Variants in COL19A1 observed in about 807,000 individuals in gnomAD.
COL19A1 encodes the protein collagen alpha-1(XIX) chain.
A neutral mutation model predicts 190.2 loss-of-function variants in COL19A1; 159 were observed. The ratio of observed to expected loss-of-function variants is 0.84; its 90% CI spans 0.73 to 0.95. COL19A1 has a LOEUF of 0.95. Among genes scored for constraint, COL19A1 ranks in the 40% least tolerant of loss-of-function variants. The pLI, the probability that COL19A1 is intolerant of heterozygous loss-of-function variation, is 0.00. For missense variants in COL19A1, 1,418 were observed against 1,431.9 expected, an observed-to-expected ratio of 0.99 and a Z score of 0.16; for synonymous variants, 509 against 458.9, an observed-to-expected ratio of 1.11 and a Z score of -1.39.
chr6:69,996,284 A>G (rs1014603336), intron 11 of COL19A1, among the ~76,000 whole-genome samples: 2 of 152,190 alleles, frequency 1.3e-5, no homozygotes, highest in African/African-American at 4.8e-5. Flanking sequence ...CAGACATGTG[A>G]TTAGAATCGG....
At chr6:70,068,520 G>T (rs547685057) in intron 15 of COL19A1, 44 bp downstream of exon 15, 28 of 1,291,618 alleles carry the variant, frequency 2.2e-5, no homozygotes, top group Non-Finnish European at 2.9e-5. Flanking sequence ...TAACTTAGGG[G>T]ATACTTATTT....
At chr6:69,963,106 C>A (rs938878590) in intron 11 of COL19A1, among the ~76,000 whole-genome samples, 3 of 152,176 alleles carry the variant, frequency 2.0e-5, no homozygotes, top group Non-Finnish European at 2.9e-5. Context: ...AAATTTGTTT[C>A]ATTGACATGG....
chr6:70,028,164 C>T (rs886794320), intron 12 of COL19A1, among the ~76,000 whole-genome samples: 5 of 152,056 alleles, frequency 3.3e-5, no homozygotes, highest in African/African-American at 9.7e-5. Context: ...AATATATTAA[C>T]GTGCATACAG....
intron 6 of COL19A1, among the ~76,000 whole-genome samples, chr6:69,931,836 A>G (rs1003290131): frequency 6.6e-6 from 1 of 152,080 alleles, no homozygotes; most frequent in Non-Finnish European, 1.5e-5. Context: ...GGCGAAAAGT[A>G]AAAGTTATAG....
intron 23 of COL19A1, among the ~76,000 whole-genome samples, chr6:70,143,685 C>T (rs183255848): frequency 2.6e-5 from 4 of 151,850 alleles, no homozygotes; most frequent in Admixed American, 2.0e-4. Flanking sequence ...AGCTTTTGAT[C>T]ACTCCCCTAT....
intron 48 of COL19A1, among the ~76,000 whole-genome samples, chr6:70,195,136 G>GATATAT (rs202055762): frequency 0.053 from 7,169 of 135,758 alleles, 210 homozygotes; most frequent in Non-Finnish European, 0.074. Flanking sequence ...CATCATTGAT[G>GATATAT]ATATATATAT....
At chr6:70,104,619 G>T (rs1259261386) in intron 16 of COL19A1, among the ~76,000 whole-genome samples, 2 of 152,138 alleles carry the variant, frequency 1.3e-5, no homozygotes, top group Non-Finnish European at 2.9e-5. Flanking sequence ...TCTTTTAAAG[G>T]CATCAGTTTT....
intron 17 of COL19A1, among the ~76,000 whole-genome samples, chr6:70,127,973 G>A (rs1026077322): frequency 1.3e-5 from 2 of 152,148 alleles, no homozygotes; most frequent in African/African-American, 4.8e-5. Flanking sequence ...TTGTAGAATG[G>A]AATTCCTGCT....
At chr6:69,935,641 A>G (rs1773051560) in intron 7 of COL19A1, among the ~76,000 whole-genome samples, 1 of 152,000 alleles carries the variant, frequency 6.6e-6, no homozygotes, top group South Asian at 2.1e-4. Context: ...TAGTTGCTGT[A>G]TTTCTGGGTG....
chr6:69,932,423 A>AT (rs112334126), intron 6 of COL19A1, among the ~76,000 whole-genome samples: 27,034 of 149,692 alleles, frequency 0.18, 3,030 homozygotes, highest in African/African-American at 0.32. Context: ...CTTTTCTCCA[A>AT]TTTTTTTTTT....
chr6:69,932,576 A>G (rs1237232069), intron 6 of COL19A1, among the ~76,000 whole-genome samples: 1 of 152,032 alleles, frequency 6.6e-6, no homozygotes, highest in East Asian at 1.9e-4. Context: ...TCCTTTATCT[A>G]TAGATCCATC....
intron 40 of COL19A1, among the ~76,000 whole-genome samples, chr6:70,169,529 C>T (rs1022631496): frequency 1.7e-4 from 26 of 152,046 alleles, no homozygotes; most frequent in African/African-American, 5.8e-4. Context: ...AGGGACAAGT[C>T]ATAACAAGTA....
chr6:70,017,018 A>G (rs889949957), intron 11 of COL19A1, among the ~76,000 whole-genome samples: 5 of 152,200 alleles, frequency 3.3e-5, no homozygotes, highest in African/African-American at 1.2e-4. Context: ...TTTACCTAAG[A>G]AAAGTAAAAA....
intron 14 of COL19A1, among the ~76,000 whole-genome samples, chr6:70,053,130 A>G (rs752582692): frequency 4.6e-5 from 7 of 152,210 alleles, no homozygotes; most frequent in Non-Finnish European, 1.0e-4. Context: ...CTGTGCAAAC[A>G]TGGAAGTCTT....
At chr6:70,068,725 A>T (rs1781391261) in intron 15 of COL19A1, among the ~76,000 whole-genome samples, 1 of 152,070 alleles carries the variant, frequency 6.6e-6, no homozygotes, top group Non-Finnish European at 1.5e-5. Context: ...CCCTAATTTG[A>T]TCTACACTAC....
intron 2 of COL19A1, among the ~76,000 whole-genome samples, chr6:69,886,088 A>T (rs1485362216): frequency 6.6e-6 from 1 of 152,192 alleles, no homozygotes; most frequent in Non-Finnish European, 1.5e-5. Context: ...TACTTATCTC[A>T]TGGTTAATAT....
chr6:70,024,496 T>C (rs1778615858), intron 12 of COL19A1, among the ~76,000 whole-genome samples: 1 of 152,024 alleles, frequency 6.6e-6, no homozygotes, highest in Admixed American at 6.6e-5. Flanking sequence ...ATGCCCTAGA[T>C]GTGTTCAGAA....
At chr6:69,891,822 CA>C (rs1447304327) in intron 2 of COL19A1, among the ~76,000 whole-genome samples, 1 of 152,206 alleles carries the variant, frequency 6.6e-6, no homozygotes, top group African/African-American at 2.4e-5. Context: ...GCTTAATCAG[CA>C]GGAATCAGCC....
intron 11 of COL19A1, among the ~76,000 whole-genome samples, chr6:70,006,195 C>T (rs1340379986): frequency 1.3e-5 from 2 of 152,178 alleles, no homozygotes; most frequent in Non-Finnish European, 2.9e-5. Flanking sequence ...GCCCCTCACC[C>T]TGGGAGCTCA....
Sources: allele counts gnomAD v4.1 joint callset (sites outside exome capture counted in the v4.1 genomes callset), GRCh38; gene constraint gnomAD v4.1.1; transcripts MANE v1.5; gene names NCBI Gene and HGNC (gene_info 2026-07-23, HGNC 2026-07-21).